Variants in N4BP2L2 observed in about 807,000 individuals in gnomAD.
N4BP2L2 encodes the protein NEDD4 binding protein 2 like 2.
Under a neutral mutation model 56.2 loss-of-function variants are expected in N4BP2L2, and 50 were observed. That is an observed-to-expected ratio of 0.89 (90% CI 0.71 to 1.13). N4BP2L2 has a LOEUF of 1.13. N4BP2L2 is among the 50% of genes most tolerant of loss of function. N4BP2L2 has a pLI of 0.00. For missense variants in N4BP2L2, 689 were observed against 693.8 expected (o/e 0.99, Z 0.08); for synonymous variants, 203 against 223.6 (o/e 0.91, Z 0.82).
At chr13:32,452,147 C>T (rs966860479) in intron 6 of N4BP2L2, among the ~76,000 whole-genome samples, 6 of 151,750 alleles carry the variant, frequency 4.0e-5, no homozygotes, top group South Asian at 2.1e-4. Context: ...TCACAAACTC[C>T]GCCTCCCAGG....
chr13:32,538,821 A>G (rs1261851574), upstream of N4BP2L2: 1 of 985,364 alleles, frequency 1.0e-6, no homozygotes, highest in Non-Finnish European at 1.2e-6. Context: ...ACCCAGGCCA[A>G]AACTAGGCGT....
chr13:32,493,468 T>C (rs914651690), intron 6 of N4BP2L2, among the ~76,000 whole-genome samples: 25 of 152,220 alleles, frequency 1.6e-4, no homozygotes, highest in African/African-American at 5.5e-4. Flanking sequence ...GGCTTAATCA[T>C]TTGCCAACAT....
intron 7 of N4BP2L2, among the ~76,000 whole-genome samples, chr13:32,439,887 G>A (rs2076041573): frequency 6.7e-6 from 1 of 149,990 alleles, no homozygotes; most frequent in African/African-American, 2.4e-5. Flanking sequence ...TTAGCCGGGC[G>A]CAGTGGCGGG....
intron 3 of N4BP2L2, chr13:32,526,818 G>GTTTTTTTTGTTTT (rs2053007178): frequency 4.1e-5 from 1 of 24,236 alleles, no homozygotes; most frequent in Non-Finnish European, 7.9e-5. Flanking sequence ...CTTTTTGTCT[G>GTTTTTTTTGTTTT]TTTTTTTTTT....
intron 6 of N4BP2L2, among the ~76,000 whole-genome samples, chr13:32,495,608 T>A (rs974428789): frequency 6.6e-6 from 1 of 152,182 alleles, no homozygotes; most frequent in Non-Finnish European, 1.5e-5. Flanking sequence ...TGTTCTTTCA[T>A]GTCTCCTCTG....
intron 8 of N4BP2L2, among the ~76,000 whole-genome samples, chr13:32,436,860 C>CTATTTATT (rs147647946): frequency 0.1 from 13,298 of 131,340 alleles, 1,039 homozygotes; most frequent in East Asian, 0.39. Flanking sequence ...TATCTAATAT[C>CTATTTATT]TATCTATTTA....
At chr13:32,528,648 C>T (rs779139809) in intron 2 of N4BP2L2, among the ~76,000 whole-genome samples, 10 of 152,090 alleles carry the variant, frequency 6.6e-5, no homozygotes, top group Non-Finnish European at 1.3e-4. Context: ...TTGTTTCTCT[C>T]CTCTCCTTGA....
intron 6 of N4BP2L2, among the ~76,000 whole-genome samples, chr13:32,490,341 G>C (rs995126054): frequency 3.9e-5 from 6 of 151,926 alleles, no homozygotes; most frequent in Admixed American, 3.9e-4. Context: ...TTTCGCTCTC[G>C]TCACCCAGGC....
At chr13:32,525,596 G>A (rs2052492360) in intron 3 of N4BP2L2, 1 of 152,198 alleles carries the variant, frequency 6.6e-6, no homozygotes. Context: ...TTGAGTCCAG[G>A]AATTCGAGGC....
At chr13:32,520,357 T>TAAA (rs55842806) in intron 5 of N4BP2L2, among the ~76,000 whole-genome samples, 3 of 137,564 alleles carry the variant, frequency 2.2e-5, no homozygotes, top group Non-Finnish European at 1.6e-5. Context: ...CGATAAAAGT[T>TAAA]AAAAAAAAAA....
exon 6 of N4BP2L2, chr13:32,510,459 A>G (rs1392466791): frequency 3.9e-5 from 6 of 152,224 alleles, no homozygotes; most frequent in South Asian, 2.1e-4. Context: ...TTTAATTTAC[A>G]GAAAACATTT....
chr13:32,443,561 T>C (rs769172013), exon 7 of N4BP2L2: 3 of 1,611,212 alleles, frequency 1.9e-6, no homozygotes, highest in Non-Finnish European at 2.5e-6. Context: ...TTATCTACTA[T>C]TTCTCTCTTC....
chr13:32,462,649 A>C (rs2080346392), intron 6 of N4BP2L2, among the ~76,000 whole-genome samples: 1 of 152,088 alleles, frequency 6.6e-6, no homozygotes, highest in Admixed American at 6.6e-5. Flanking sequence ...ATAAATACTT[A>C]AGGTGATGGA....
intron 6 of N4BP2L2, among the ~76,000 whole-genome samples, chr13:32,468,903 A>T (rs745679622): frequency 2.4e-4 from 36 of 152,248 alleles, no homozygotes; most frequent in Non-Finnish European, 1.2e-4. Context: ...GGGAGAGCCA[A>T]CCTTGTAGCC....
At chr13:32,444,284 A>T (rs2076709714) in intron 6 of N4BP2L2, among the ~76,000 whole-genome samples, 2 of 152,174 alleles carry the variant, frequency 1.3e-5, no homozygotes, top group Non-Finnish European at 2.9e-5. Flanking sequence ...GTTTGTTTTG[A>T]GATGGAGTCT....
intron 6 of N4BP2L2, among the ~76,000 whole-genome samples, chr13:32,480,909 A>G (rs1421576001): frequency 6.6e-6 from 1 of 151,932 alleles, no homozygotes; most frequent in Non-Finnish European, 1.5e-5. Context: ...ACTTGAGGTC[A>G]GGAGTTCAAG....
intron 6 of N4BP2L2, chr13:32,480,550 G>C: frequency 8.2e-6 from 9 of 1,091,982 alleles, no homozygotes; most frequent in Non-Finnish European, 1.1e-5. Context: ...AAAATCAGAC[G>C]CTAGATCCAT....
At chr13:32,504,491 G>A (rs888670548) in intron 6 of N4BP2L2, 1 of 152,078 alleles carries the variant, frequency 6.6e-6, no homozygotes, top group Non-Finnish European at 1.5e-5. Context: ...TATGTATAAC[G>A]TCATTTTATC....
intron 3 of N4BP2L2, chr13:32,526,818 G>GTTTTTTTTTTGTT (rs2053012893): frequency 4.1e-5 from 1 of 24,236 alleles, no homozygotes; most frequent in Non-Finnish European, 7.9e-5. Context: ...CTTTTTGTCT[G>GTTTTTTTTTTGTT]TTTTTTTTTT....
Sources: allele counts gnomAD v4.1 joint callset (sites outside exome capture counted in the v4.1 genomes callset), GRCh38; gene constraint gnomAD v4.1.1; transcripts MANE v1.5; gene names NCBI Gene and HGNC (gene_info 2026-07-23, HGNC 2026-07-21).